FRAS1: variants seen among roughly 807,000 people sequenced by gnomAD.
FRAS1 encodes the protein Fraser extracellular matrix complex subunit 1.
In FRAS1, 290 loss-of-function variants were observed where a neutral mutation model predicts 435.2. That is an observed-to-expected ratio of 0.67 (90% CI 0.61 to 0.73). The LOEUF (loss-of-function observed/expected upper bound fraction) is 0.73, where lower values mean the gene tolerates loss of function less well. FRAS1 is among the 30% of genes least tolerant of loss of function. The pLI is 0.00. For synonymous variants in FRAS1, 1,800 were observed against 1,851.0 expected, an observed-to-expected ratio of 0.97 and a Z score of 0.71; for missense variants, 4,860 against 5,001.5, an observed-to-expected ratio of 0.97 and a Z score of 0.85.
intron 20 of FRAS1, among the ~76,000 whole-genome samples, chr4:78,361,832 G>C (rs1357115600): frequency 1.3e-5 from 2 of 152,106 alleles, no homozygotes; most frequent in African/African-American, 4.8e-5. Flanking sequence ...GGGGAAGGTG[G>C]GAAGGCCCCG....
At position 78,429,042 on chromosome 4, in the gene FRAS1, G is replaced by GTC; in HGVS notation, c.4712-49_4712-48dup. ...AGTTGATTCGTGTGTGTGTGTGCGT[G>GTC]TCTCTGTGTGTGTGTGTGTGTCTCT... On this transcript the variant is annotated intron_variant, in intron 35 of 73. Transcript: ENST00000512123. 2.8e-6 allele frequency: 4 copies of GTC among 1,419,762 alleles called. No individual in the cohort carries two copies. In the South Asian group the frequency reaches 3.7e-5, roughly 13 times the overall value. 87.9% of individuals were successfully genotyped at this position (1,419,762 alleles called of 1,614,324 possible).
intron 26 of FRAS1, among the ~76,000 whole-genome samples, chr4:78,376,375 G>A (rs772261406): frequency 2.6e-5 from 4 of 152,080 alleles, no homozygotes; most frequent in Non-Finnish European, 5.9e-5. Flanking sequence ...AATACTGTAG[G>A]CAATCGTAAC....
In FRAS1 at chr4:78,466,430, A is replaced by G. The variant is rs1417914691; in HGVS notation, c.7252A>G (p.Lys2418Glu). 1 of 1,612,166 alleles carries G rather than the reference A, an allele frequency of 6.2e-7. No homozygotes were observed. Among genetic ancestry groups the G allele is most frequent in the Non-Finnish European group, 8.5e-7 (1 of 1,178,688 alleles). ...CTTCTTTATCATTGAGGAAGGGGGAAAAGAGGTGAGGGGTGAGGACACTGG... is the reference window on the plus strand; with the variant it reads ...CTTCTTTATCATTGAGGAAGGGGGAGAAGAGGTGAGGGGTGAGGACACTGG... ...NPFFIIEEGG[K>E]EIMTAAPQPF... Residue 2418 changes from lysine (K) to glutamate (E), a missense_variant, in exon 50 of 74, where the codon AAA becomes GAA. Transcript: ENST00000512123.
chr4:78,117,709 T>A (rs1461115051), intron 2 of FRAS1, among the ~76,000 whole-genome samples: 1 of 152,260 alleles, frequency 6.6e-6, no homozygotes, highest in Admixed American at 6.5e-5. Flanking sequence ...TCTGCATTGG[T>A]TATTCTAGTT....
Position 78,513,376 on chromosome 4 carries a change from GC to G in FRAS1, c.10014-14del, listed in dbSNP as rs779194826. On this transcript the variant is annotated splice_polypyrimidine_tract_variant and intron_variant, in intron 64 of 73. Coordinates refer to ENST00000512123, the MANE Select transcript of FRAS1 (RefSeq NM_025074.7). The stretch of plus-strand genomic sequence containing the variant: ...AGCAGTCAGCTAAACATTTATTTCT[GC>G]CTTTTTCCCCCTAGAATCCACATTT... 21 of 1,612,806 alleles carry G rather than the reference GC, an allele frequency of 1.3e-5. No homozygotes were observed. The Middle Eastern group carries it at 8.2e-4, about 63-fold the overall frequency.
intron 30 of FRAS1, among the ~76,000 whole-genome samples, chr4:78,401,509 A>T (rs1008473950): frequency 6.6e-6 from 1 of 152,230 alleles, no homozygotes; most frequent in Non-Finnish European, 1.5e-5. Flanking sequence ...TGAGCTTAAT[A>T]GCATAGCTTC....
At chr4:78,160,008 A>G (rs1029070906) in intron 2 of FRAS1, among the ~76,000 whole-genome samples, 4 of 152,196 alleles carry the variant, frequency 2.6e-5, no homozygotes, top group African/African-American at 4.8e-5. Flanking sequence ...GTTCCAGGGA[A>G]TGTAGATCAT....
chr4:78,430,619 G>A (rs1013026938), intron 37 of FRAS1, among the ~76,000 whole-genome samples: 6 of 152,000 alleles, frequency 3.9e-5, no homozygotes, highest in Middle Eastern at 3.4e-3. Flanking sequence ...ACCTGCCCCC[G>A]GCCCCACCTT....
intron 14 of FRAS1, among the ~76,000 whole-genome samples, chr4:78,300,763 T>C (rs942781274): frequency 3.3e-5 from 5 of 152,194 alleles, no homozygotes; most frequent in Non-Finnish European, 5.9e-5. Flanking sequence ...CCATGATTCA[T>C]GCCATGGCCC....
chr4:78,308,226 G>A lies in FRAS1; in HGVS notation c.1678+17G>A, dbSNP rs1050805372. On this transcript the variant is annotated intron_variant, in intron 15 of 73. Transcript: ENST00000512123. The stretch of plus-strand genomic sequence containing the variant: ...CCTGTAGCGGTGAGTGCTGGGTTGC[G>A]ATGCTGACGTGTCCTTTCCTTTTTC... The A allele has an allele frequency of 1.1e-5, 17 of 1,609,706 alleles. No homozygotes were observed. The highest frequency in any genetic ancestry group is 6.7e-5 in the Admixed American group (4 of 59,542).
intron 37 of FRAS1, among the ~76,000 whole-genome samples, chr4:78,431,790 T>C (rs1734230894): frequency 6.6e-6 from 1 of 152,196 alleles, no homozygotes; most frequent in Non-Finnish European, 1.5e-5. Context: ...TTGAAATTTT[T>C]TTTTACATAA....
intron 9 of FRAS1, among the ~76,000 whole-genome samples, chr4:78,272,744 G>A (rs1487991210): frequency 3.9e-5 from 6 of 152,172 alleles, no homozygotes; most frequent in African/African-American, 1.4e-4. Context: ...GTCAGGTAGC[G>A]TGATGCCTCC....
chr4:78,293,496 T>C lies in FRAS1; in HGVS notation c.1534+6957T>C, dbSNP rs566200828. ...TGGTGGCCTCAGGATAATTACAGACTCTCTATTTTTCTCACCCCTCTTTTT... is the reference window on the plus strand; with the variant it reads ...TGGTGGCCTCAGGATAATTACAGACCCTCTATTTTTCTCACCCCTCTTTTT... On this transcript the variant is annotated intron_variant, in intron 14 of 73. Transcript: ENST00000512123. Among the ~76,000 whole-genome samples, 9 of 152,306 alleles carry C rather than the reference T, an allele frequency of 5.9e-5. 1 individual carries two copies. The highest frequency in any genetic ancestry group is 2.2e-4 in the African/African-American group (9 of 41,572).
intron 2 of FRAS1, among the ~76,000 whole-genome samples, chr4:78,213,075 G>A (rs186600140): frequency 6.6e-6 from 1 of 152,274 alleles, no homozygotes; most frequent in Admixed American, 6.5e-5. Flanking sequence ...AATATCGTGG[G>A]ACACAGACCC....
chr4:78,490,953 A>T (rs1157178141), intron 59 of FRAS1, among the ~76,000 whole-genome samples: 2 of 152,192 alleles, frequency 1.3e-5, no homozygotes, highest in African/African-American at 4.8e-5. Flanking sequence ...AAATAGACAC[A>T]ATAAAAATTG....
intron 2 of FRAS1, among the ~76,000 whole-genome samples, chr4:78,074,353 A>T (rs931211187): frequency 3.9e-5 from 6 of 152,198 alleles, no homozygotes; most frequent in Middle Eastern, 6.3e-3. Flanking sequence ...GATCTAAGAG[A>T]TGAGAATTCA....
rs534782865 is a variant in FRAS1, at chr4:78,270,370, C to A, written c.981+2938C>A. On this transcript the variant is annotated intron_variant, in intron 9 of 73. Coordinates refer to ENST00000512123, the MANE Select transcript of FRAS1 (RefSeq NM_025074.7). ...CACCAGTCCAAAGACTGAGATTGGA[C>A]TAACTAACCTGCTCATCAGAAAAAG... Among the ~76,000 whole-genome samples, 8 of 152,264 alleles carry A rather than the reference C, an allele frequency of 5.3e-5. No homozygotes were observed. In the East Asian group the frequency reaches 1.4e-3, roughly 26 times the overall value.
At chr4:78,244,504 C>T (rs1434457726) in intron 3 of FRAS1, among the ~76,000 whole-genome samples, 2 of 152,092 alleles carry the variant, frequency 1.3e-5, no homozygotes, top group African/African-American at 2.4e-5. Context: ...CAAGCTAATG[C>T]TCTTCACTCC....
chr4:78,413,527 C>G (rs1215420177), intron 32 of FRAS1, among the ~76,000 whole-genome samples: 2 of 152,168 alleles, frequency 1.3e-5, no homozygotes, highest in East Asian at 3.8e-4. Context: ...TCTGTCAATG[C>G]TGAATCCAGA....
Sources: allele counts gnomAD v4.1 joint callset (sites outside exome capture counted in the v4.1 genomes callset), GRCh38; gene constraint gnomAD v4.1.1; transcripts MANE v1.5; gene names NCBI Gene and HGNC (gene_info 2026-07-23, HGNC 2026-07-21).